Variants in ASB4 observed in about 807,000 individuals in gnomAD.
ASB4 encodes the protein ankyrin repeat and SOCS box containing 4, also known as ankyrin repeat and SOCS box protein 4.
ASB4 carries 35 observed loss-of-function variants against 38.6 expected under a neutral mutation model. That is an observed-to-expected ratio of 0.91 (90% confidence interval 0.69 to 1.20). The LOEUF (loss-of-function observed/expected upper bound fraction) is 1.20. Among genes scored for constraint, ASB4 ranks in the 50% most tolerant of loss-of-function variants. The pLI, the probability that ASB4 is intolerant of heterozygous loss-of-function variation, is 0.00. For synonymous variants in ASB4, 195 were observed against 201.3 expected, an observed-to-expected ratio of 0.97 and a Z score of 0.26; for missense variants, 557 against 527.2, an observed-to-expected ratio of 1.06 and a Z score of -0.55.
chr7:95,512,307 C>T (rs766977688), intron 2 of ASB4, among the ~76,000 whole-genome samples: 7 of 152,182 alleles, frequency 4.6e-5, no homozygotes, highest in Non-Finnish European at 1.0e-4. Context: ...GAATCTTAGC[C>T]CTCACCTACC....
At chr7:95,495,190 T>A (rs115894826) in intron 1 of ASB4, among the ~76,000 whole-genome samples, 134 of 152,344 alleles carry the variant, frequency 8.8e-4, no homozygotes, top group African/African-American at 2.9e-3. Context: ...TGGAAAGCGA[T>A]ATTGCATAAA....
chr7:95,495,630 C>T, intron 1 of ASB4, 128 bp from the exon 2 acceptor site: 7 of 881,892 alleles, frequency 7.9e-6, no homozygotes, highest in Non-Finnish European at 1.2e-5. Flanking sequence ...AAACCTCTGT[C>T]ATCCCCTCTC....
chr7:95,545,610 G>GTTTTGT, the ASB4 span, among the ~76,000 whole-genome samples: 6 of 151,482 alleles, frequency 4.0e-5, no homozygotes, highest in East Asian at 1.9e-4. Context: ...CCTGGGTGTG[G>GTTTTGT]TTTTGTTTTT....
intron 2 of ASB4, among the ~76,000 whole-genome samples, chr7:95,520,983 T>C (rs190817427): frequency 1.9e-4 from 29 of 152,272 alleles, no homozygotes; most frequent in Admixed American, 1.7e-3. Flanking sequence ...CCAAAATTGA[T>C]TTATTTTTGC....
chr7:95,515,307 T>TCC (rs1479595344), intron 2 of ASB4, among the ~76,000 whole-genome samples: 56 of 129,088 alleles, frequency 4.3e-4, no homozygotes, highest in South Asian at 1.6e-3. Context: ...CTTTCTTTCT[T>TCC]TCTTTCTTTC....
chr7:95,484,063 C>T (rs971137457), upstream of ASB4, among the ~76,000 whole-genome samples: 1 of 150,258 alleles, frequency 6.7e-6, no homozygotes, highest in African/African-American at 2.5e-5. Flanking sequence ...CATAGTGGCT[C>T]ATGGCTGTAA....
chr7:95,549,749 G>A, the ASB4 span, among the ~76,000 whole-genome samples: 1 of 152,128 alleles, frequency 6.6e-6, no homozygotes, highest in African/African-American at 2.4e-5. Flanking sequence ...TGCCCAGAGG[G>A]TCTAGGAGCT....
chr7:95,513,006 CTT>C (rs1438474505), intron 2 of ASB4, among the ~76,000 whole-genome samples: 1 of 152,110 alleles, frequency 6.6e-6, no homozygotes, highest in Non-Finnish European at 1.5e-5. Context: ...GGTCATGTCT[CTT>C]TAAAATCAGG....
At chr7:95,482,947 A>ATC (rs1313157451), upstream of ASB4, among the ~76,000 whole-genome samples, 1 of 152,144 alleles carries the variant, frequency 6.6e-6, no homozygotes, top group Non-Finnish European at 1.5e-5. Context: ...ATTAGAGAGA[A>ATC]TGTAGACCCC....
intron 3 of ASB4, among the ~76,000 whole-genome samples, chr7:95,529,777 T>A (rs528949238): frequency 1.8e-4 from 27 of 152,208 alleles, no homozygotes; most frequent in Non-Finnish European, 2.9e-4. Context: ...ATAGGTTTTA[T>A]ACAGACTATT....
intron 2 of ASB4, among the ~76,000 whole-genome samples, chr7:95,508,784 G>A (rs931717334): frequency 6.6e-6 from 1 of 152,158 alleles, no homozygotes; most frequent in African/African-American, 2.4e-5. Context: ...AACTAAGCTG[G>A]ATAGAGAAGG....
At chr7:95,545,097 C>A (rs919596642), downstream of ASB4, among the ~76,000 whole-genome samples, 2 of 151,790 alleles carry the variant, frequency 1.3e-5, no homozygotes, top group Admixed American at 1.3e-4. Flanking sequence ...GGTACAGACT[C>A]ACTCTCTGAA....
At chr7:95,500,708 T>C (rs1790324119) in intron 2 of ASB4, among the ~76,000 whole-genome samples, 1 of 152,160 alleles carries the variant, frequency 6.6e-6, no homozygotes, top group Non-Finnish European at 1.5e-5. Context: ...CCATATTCTC[T>C]GGATTTCATC....
intron 2 of ASB4, among the ~76,000 whole-genome samples, chr7:95,518,740 C>G (rs950657606): frequency 2.6e-5 from 4 of 152,120 alleles, no homozygotes; most frequent in African/African-American, 4.8e-5. Context: ...CAGGAACGAC[C>G]AATGAGATTT....
At chr7:95,518,719 G>A (rs1790619898) in intron 2 of ASB4, among the ~76,000 whole-genome samples, 1 of 152,166 alleles carries the variant, frequency 6.6e-6, no homozygotes, top group Admixed American at 6.5e-5. Context: ...TCTTTAACAG[G>A]GATTCCACTG....
chr7:95,499,860 A>G (rs571954914), intron 2 of ASB4, among the ~76,000 whole-genome samples: 1 of 146,704 alleles, frequency 6.8e-6, no homozygotes, highest in African/African-American at 2.5e-5. Context: ...TACGGGATAC[A>G]TCCTCTTTTT....
the ASB4 span, among the ~76,000 whole-genome samples, chr7:95,547,543 T>C: frequency 6.6e-6 from 1 of 152,218 alleles, no homozygotes; most frequent in Non-Finnish European, 1.5e-5. Context: ...TGCATTCTCC[T>C]AGCGATGAAG....
chr7:95,531,255 T>A (rs1378845357), intron 3 of ASB4, among the ~76,000 whole-genome samples: 1 of 152,240 alleles, frequency 6.6e-6, no homozygotes, highest in Non-Finnish European at 1.5e-5. Flanking sequence ...TTTACTTCCA[T>A]CTTTTTTTCT....
At chr7:95,537,480 A>G in intron 4 of ASB4, 91 bp from the exon 5 acceptor site, 1 of 1,118,262 alleles carries the variant, frequency 8.9e-7, no homozygotes. Flanking sequence ...AGCTGCCATT[A>G]CGTATAGAGG....
Sources: allele counts gnomAD v4.1 joint callset (sites outside exome capture counted in the v4.1 genomes callset), GRCh38; gene constraint gnomAD v4.1.1; transcripts MANE v1.5; gene names NCBI Gene and HGNC (gene_info 2026-07-23, HGNC 2026-07-21).